The following LAMA2 variants were observed in gnomAD, a reference collection of about 807,000 sequenced individuals.
LAMA2 encodes laminin subunit alpha 2, also known as laminin subunit alpha-2.
Under a neutral mutation model 364.8 loss-of-function variants are expected in LAMA2, and 269 were observed. The ratio of observed to expected loss-of-function variants is 0.74; its 90% CI spans 0.67 to 0.82. The LOEUF is 0.82. Ranked by LOEUF, LAMA2 falls within the 40% of genes least tolerant of loss-of-function variation. The pLI, the probability that LAMA2 is intolerant of heterozygous loss-of-function variation, is 0.00. For missense variants in LAMA2, 3,807 were observed against 3,873.2 expected (o/e 0.98, Z 0.45); for synonymous variants, 1,379 against 1,370.6 (o/e 1.01, Z -0.14).
intron 3 of LAMA2, among the ~76,000 whole-genome samples, chr6:129,090,184 G>C (rs146094787): frequency 2.6e-5 from 4 of 152,066 alleles, no homozygotes; most frequent in Non-Finnish European, 1.5e-5. Context: ...AGAGAATACC[G>C]TGGACTCAAA....
In LAMA2 at chr6:128,927,530, G is replaced by A. The variant is rs1459524038; in HGVS notation, c.112+44173G>A. The stretch of plus-strand genomic sequence containing the variant: ...CTTATTCGCATATTCCTTCCAGAAC[G>A]TACAACTTAACGTGGCTTAAACTTA... On this transcript the variant is annotated intron_variant, in intron 1 of 64. Coordinates refer to ENST00000421865, the MANE Select transcript of LAMA2 (RefSeq NM_000426.4). Among the ~76,000 whole-genome samples the A allele has an allele frequency of 4.0e-5, 6 of 151,886 alleles. No homozygotes were observed. The East Asian group carries it at 1.2e-3, about 29-fold the overall frequency.
intron 55 of LAMA2, among the ~76,000 whole-genome samples, chr6:129,484,108 TAA>T (rs1175104216): frequency 6.6e-6 from 1 of 152,150 alleles, no homozygotes; most frequent in Non-Finnish European, 1.5e-5. Context: ...GCATTAAAAT[TAA>T]ACTCTTTGGT....
intron 1 of LAMA2, among the ~76,000 whole-genome samples, chr6:128,921,705 T>TTTTTA (rs1562831829): frequency 1.1e-4 from 14 of 126,472 alleles, no homozygotes; most frequent in South Asian, 5.4e-4. Context: ...CTGTTTTTTT[T>TTTTTA]TTTTTTTTAT....
At chr6:129,018,488 ATATG>A (rs1463630269) in intron 1 of LAMA2, among the ~76,000 whole-genome samples, 1 of 151,968 alleles carries the variant, frequency 6.6e-6, no homozygotes, top group Non-Finnish European at 1.5e-5. Context: ...TCTTCAATAA[ATATG>A]TAAGTACAAA....
At chr6:128,943,170 A>G (rs1253657065) in intron 1 of LAMA2, among the ~76,000 whole-genome samples, 1 of 152,154 alleles carries the variant, frequency 6.6e-6, no homozygotes, top group African/African-American at 2.4e-5. Context: ...GTGTGTGTAT[A>G]TATATAAACA....
intron 4 of LAMA2, among the ~76,000 whole-genome samples, chr6:129,109,392 T>C (rs1776012175): frequency 6.6e-6 from 1 of 152,126 alleles, no homozygotes; most frequent in African/African-American, 2.4e-5. Flanking sequence ...AAGAATCTTT[T>C]TCGTGTCCAT....
In LAMA2 at chr6:129,502,762, T is replaced by G. The variant is rs772941682; in HGVS notation, c.8348T>G (p.Val2783Gly). ...HIAIAFDDTK[V>G]KNRLTIELEV... Reference sequence around the variant, plus strand: ...GCAATTGCATTTGATGACACCAAAGTTAAAAACCGGTATGTATCATCCTGA... The same window carrying G: ...GCAATTGCATTTGATGACACCAAAGGTAAAAACCGGTATGTATCATCCTGA... The change falls in exon 59 of 65, where the codon GTT becomes GGT. Residue 2783 changes from valine to glycine, a missense_variant. Physicochemically the swap from Val to Gly is moderately radical, Grantham distance 109. This residue lies in a region of LAMA2 where 3,333 missense variants were observed against 3,345.7 expected (regional missense o/e 1.00). Coordinates refer to ENST00000421865, the MANE Select transcript of LAMA2 (RefSeq NM_000426.4). 1.2e-5 allele frequency: 19 copies of G among 1,606,180 alleles called. No homozygotes were observed. Among genetic ancestry groups the G allele is most frequent in the Non-Finnish European group, 1.6e-5 (19 of 1,172,990 alleles).
At chr6:129,504,378 T>C (rs1438852989) in intron 60 of LAMA2, among the ~76,000 whole-genome samples, 1 of 152,224 alleles carries the variant, frequency 6.6e-6, no homozygotes, top group Non-Finnish European at 1.5e-5. Flanking sequence ...ATACTATAAT[T>C]AGTCAAATTA....
Position 129,480,635 on chromosome 6 carries a change from C to T in LAMA2, c.7573-628C>T, listed in dbSNP as rs551189824. 2.6e-5 allele frequency among the ~76,000 whole-genome samples: 4 copies of T among 152,246 alleles called. No homozygotes were observed. The South Asian group carries it at 8.3e-4, about 32-fold the overall frequency. On this transcript the variant is annotated intron_variant, in intron 54 of 64. Transcript: ENST00000421865. ...GAGATTGAGATGGGGAGCTGATTTT[C>T]TCCCTTTTGCACCTTATTTACATTT...
rs1787310772 is a variant in LAMA2, at chr6:129,263,905, A to G, written c.2208+3083A>G. On this transcript the variant is annotated intron_variant, in intron 15 of 64. Coordinates refer to ENST00000421865, the MANE Select transcript of LAMA2 (RefSeq NM_000426.4). ...CAGGTGTATACCACCATGCCCAGCT[A>G]TTTTTTTTTGTTTGTTTTAATAGAG... 2.0e-5 allele frequency among the ~76,000 whole-genome samples: 3 copies of G among 150,440 alleles called. No individual in the cohort carries two copies. In the South Asian group the frequency reaches 6.3e-4, roughly 32 times the overall value.
At chr6:129,213,799 A>G (rs1783254333) in intron 12 of LAMA2, among the ~76,000 whole-genome samples, 1 of 152,130 alleles carries the variant, frequency 6.6e-6, no homozygotes, top group Non-Finnish European at 1.5e-5. Flanking sequence ...TTTCTTGCAA[A>G]TGGTAGTTTC....
intron 1 of LAMA2, among the ~76,000 whole-genome samples, chr6:128,987,574 T>C (rs2114652605): frequency 6.6e-6 from 1 of 152,350 alleles, no homozygotes; most frequent in Non-Finnish European, 1.5e-5. Context: ...ATGTGTTCTG[T>C]TTCCATAGGT....
In LAMA2 at chr6:129,419,571, T is replaced by C. The variant is rs191689331; in HGVS notation, c.5866-8181T>C. 2.9e-3 allele frequency among the ~76,000 whole-genome samples: 435 copies of C among 152,312 alleles called. 2 individuals are homozygous for C. Among genetic ancestry groups the C allele is most frequent in the African/African-American group, 9.9e-3 (412 of 41,556 alleles). On this transcript the variant is annotated intron_variant, in intron 40 of 64. Transcript: ENST00000421865. Reference sequence around the variant, plus strand: ...AGGTACTGAGCAATTATGTCTGTCATGCTGTAATTGAGGAAAACCATCCTT... The same window carrying C: ...AGGTACTGAGCAATTATGTCTGTCACGCTGTAATTGAGGAAAACCATCCTT...
chr6:129,353,101 C>A, intron 31 of LAMA2, 63 bp from the exon 32 acceptor site: 1 of 1,315,248 alleles, frequency 7.6e-7, no homozygotes, highest in Non-Finnish European at 1.1e-6. Context: ...AAAGACCACA[C>A]ACAACAATGT....
intron 17 of LAMA2, among the ~76,000 whole-genome samples, chr6:129,274,894 C>T (rs1197626570): frequency 6.6e-6 from 1 of 151,792 alleles, no homozygotes; most frequent in African/African-American, 2.4e-5. Flanking sequence ...CCTTTGAATA[C>T]TTAGGATGTG....
At position 129,184,403 on chromosome 6, in the gene LAMA2, C is replaced by T. The variant is rs1781109945; in HGVS notation, c.1468-5802C>T. ...TAATATTATGTTAGTCAATTTTTTA[C>T]ATGGACAGACTCTCTCCTTGACCAA... On this transcript the variant is annotated intron_variant, in intron 10 of 64. Transcript: ENST00000421865. 1.3e-5 allele frequency among the ~76,000 whole-genome samples: 2 copies of T among 151,878 alleles called. 1 individual carries two copies. The highest frequency in any genetic ancestry group is 1.3e-4 in the Admixed American group (2 of 15,212).
chr6:129,408,997 C>T (rs1179349398), intron 40 of LAMA2, among the ~76,000 whole-genome samples: 1 of 152,216 alleles, frequency 6.6e-6, no homozygotes, highest in Non-Finnish European at 1.5e-5. Context: ...CCCCAGATTA[C>T]TTTGCCACCA....
At chr6:129,009,301 A>G (rs530567217) in intron 1 of LAMA2, among the ~76,000 whole-genome samples, 1 of 152,144 alleles carries the variant, frequency 6.6e-6, no homozygotes, top group South Asian at 2.1e-4. Flanking sequence ...TTTTCTTTCA[A>G]ACACTTTGGA....
intron 12 of LAMA2, among the ~76,000 whole-genome samples, chr6:129,240,211 C>T (rs1562368545): frequency 1.3e-5 from 2 of 152,160 alleles, no homozygotes; most frequent in African/African-American, 2.4e-5. Context: ...ATCCTAGCCA[C>T]GCTGGCAGCT....
Sources: allele counts gnomAD v4.1 joint callset (sites outside exome capture counted in the v4.1 genomes callset), GRCh38; gene constraint gnomAD v4.1.1; regional missense constraint gnomAD v4.1.1; transcripts MANE v1.5; gene names NCBI Gene and HGNC (gene_info 2026-07-23, HGNC 2026-07-21).